TRPM1: variants seen among roughly 807,000 people sequenced by gnomAD.
The protein encoded by TRPM1 is TRPM1-203 APA Isoform, Intron 10.
A neutral mutation model predicts 149.4 loss-of-function variants in TRPM1; 113 were observed. The ratio of observed to expected loss-of-function variants is 0.76; its 90% CI spans 0.65 to 0.88. The LOEUF (loss-of-function observed/expected upper bound fraction) is 0.88, where lower values mean the gene tolerates loss of function less well. TRPM1 is among the 40% of genes least tolerant of loss of function. The probability of loss-of-function intolerance (pLI) is 0.00; values close to 1 mark genes in which losing one functional copy is unlikely to be tolerated. For missense variants in TRPM1, 1,976 were observed against 2,038.7 expected, an observed-to-expected ratio of 0.97 and a Z score of 0.59; for synonymous variants, 741 against 759.5, an observed-to-expected ratio of 0.98 and a Z score of 0.40.
chr15:31,063,206 C>G lies in TRPM1; in HGVS notation c.877G>C (p.Glu293Gln). ...CAAATCACCACAGGGATGGGAGGCT[C>G]TTCTTGCAGGTATTCCAAGACGATG... is the stretch of plus-strand genomic sequence containing the variant. The part of the protein sequence containing the change: ...VSIVLEYLQE[E>Q]PPIPVVICDG... The change falls in exon 8 of 28, where the codon GAG becomes CAG. Residue 293 changes from glutamate (E) to glutamine (Q), a missense_variant. Around this residue, in one of 3 missense-constraint regions of TRPM1, gnomAD observed 1,332 missense variants for 1,347.1 expected, o/e 0.99. Coordinates refer to ENST00000256552, the MANE Select transcript of TRPM1 (RefSeq NM_001252024.2). 10 of 1,614,212 alleles carry G rather than the reference C, an allele frequency of 6.2e-6. No homozygotes were observed. Among genetic ancestry groups the G allele is most frequent in the Non-Finnish European group, 8.5e-6 (10 of 1,180,038 alleles).
intron 1 of TRPM1, among the ~76,000 whole-genome samples, chr15:31,156,930 AT>A (rs11398253): frequency 0.022 from 3,235 of 147,512 alleles, 118 homozygotes; most frequent in African/African-American, 0.076. Flanking sequence ...ACTTACATTT[AT>A]TTTTTTTTTT....
intron 16 of TRPM1, chr15:31,042,445 T>A: frequency 1.5e-6 from 1 of 647,204 alleles, no homozygotes. Flanking sequence ...TAAAACCAAA[T>A]GAACTGAGAA....
At chr15:31,078,361 C>A (rs1233899490) in intron 2 of TRPM1, among the ~76,000 whole-genome samples, 3 of 152,162 alleles carry the variant, frequency 2.0e-5, no homozygotes, top group East Asian at 1.9e-4. Flanking sequence ...AGAGCCCCAG[C>A]CCTAGTCCCA....
chr15:31,093,212 G>A (rs1258993879), intron 1 of TRPM1, among the ~76,000 whole-genome samples: 2 of 129,136 alleles, frequency 1.5e-5, no homozygotes, highest in African/African-American at 5.9e-5. Context: ...ACTAAGCTGA[G>A]ATTATGACAC....
At chr15:31,087,914 C>T (rs1019712544) in intron 1 of TRPM1, among the ~76,000 whole-genome samples, 6 of 152,178 alleles carry the variant, frequency 3.9e-5, no homozygotes, top group Admixed American at 3.9e-4. Flanking sequence ...GGGGATTGGT[C>T]GCACAACAAT....
At chr15:31,073,795 G>A (rs1396818589) in intron 3 of TRPM1, among the ~76,000 whole-genome samples, 2 of 152,004 alleles carry the variant, frequency 1.3e-5, no homozygotes, top group African/African-American at 4.8e-5. Context: ...AATCTTAGGA[G>A]GAAAGCAATC....
At chr15:31,076,306 C>T (rs988198830) in intron 3 of TRPM1, among the ~76,000 whole-genome samples, 5 of 152,080 alleles carry the variant, frequency 3.3e-5, no homozygotes, top group Admixed American at 2.0e-4. Flanking sequence ...TCATATTGGA[C>T]GAATGTATGG....
chr15:31,096,554 G>T (rs921413288), intron 1 of TRPM1, among the ~76,000 whole-genome samples: 2 of 152,182 alleles, frequency 1.3e-5, no homozygotes. Context: ...ACTCCGAAAA[G>T]CACAGCAGTT....
chr15:31,132,467 G>A (rs2036029487), intron 1 of TRPM1, among the ~76,000 whole-genome samples: 1 of 152,222 alleles, frequency 6.6e-6, no homozygotes, highest in African/African-American at 2.4e-5. Context: ...TGAAATCAGG[G>A]CTCCGATTAC....
At chr15:31,116,664 G>A (rs1169700629) in intron 1 of TRPM1, among the ~76,000 whole-genome samples, 4 of 151,128 alleles carry the variant, frequency 2.6e-5, no homozygotes, top group African/African-American at 7.3e-5. Context: ...ACACCTTACC[G>A]GCATCACCAG....
At chr15:31,076,317 A>T (rs534520316) in intron 3 of TRPM1, among the ~76,000 whole-genome samples, 1 of 152,136 alleles carries the variant, frequency 6.6e-6, no homozygotes, top group Non-Finnish European at 1.5e-5. Flanking sequence ...GAATGTATGG[A>T]TAAATTGTTC....
chr15:31,113,601 C>T (rs1013541684), intron 1 of TRPM1, among the ~76,000 whole-genome samples: 6 of 152,168 alleles, frequency 3.9e-5, no homozygotes, highest in African/African-American at 1.4e-4. Flanking sequence ...GTTTGTTACA[C>T]AAGTAAACTT....
At chr15:31,093,260 CAAAAAAA>C (rs34790478) in intron 1 of TRPM1, among the ~76,000 whole-genome samples, 2 of 63,206 alleles carry the variant, frequency 3.2e-5, no homozygotes, top group African/African-American at 6.8e-5. Context: ...GACTTTGTCT[CAAAAAAA>C]AAAAAAAAAA....
rs756193316 is a variant in TRPM1, at chr15:31,037,795, C to T, written c.2487G>A (p.Glu829=). 6.2e-7 allele frequency: 1 copy of T among 1,614,154 alleles called. No homozygotes were observed. Reference sequence around the variant, plus strand: ...TGGGAATACTTCTCTGTTTTTTGTGCTCGTTCTCCTCATCCCCCTTTCTTG... The same window carrying T: ...TGGGAATACTTCTCTGTTTTTTGTGTTCGTTCTCCTCATCCCCCTTTCTTG... ...AGSRKGDEEN[E]HKKQRSIPIG... is the part of the protein sequence containing the mutation. Residue 829 remains glutamate (E), a synonymous_variant, in exon 20 of 28, where the codon GAG becomes GAA. Transcript: ENST00000256552.
chr15:31,055,555 G>A (rs936161147), intron 11 of TRPM1, among the ~76,000 whole-genome samples: 3 of 152,154 alleles, frequency 2.0e-5, no homozygotes, highest in Non-Finnish European at 4.4e-5. Context: ...ATCCCCTCCC[G>A]GTCTCCAGGC....
chr15:31,076,796 T>A, intron 3 of TRPM1, 109 bp downstream of exon 3: 1 of 863,858 alleles, frequency 1.2e-6, no homozygotes, highest in Non-Finnish European at 2.0e-6. Context: ...CCATGGGGAA[T>A]GGATTCTGGC....
At chr15:31,089,127 GT>G (rs1460941679) in intron 1 of TRPM1, among the ~76,000 whole-genome samples, 2 of 152,194 alleles carry the variant, frequency 1.3e-5, no homozygotes, top group Non-Finnish European at 2.9e-5. Flanking sequence ...TGAATACAGT[GT>G]GGAAACTGAA....
intron 11 of TRPM1, chr15:31,060,120 C>T (rs62038933): frequency 1.1e-5 from 1 of 90,744 alleles, no homozygotes; most frequent in South Asian, 9.4e-5. Context: ...TACACACATA[C>T]AGACACACAC....
chr15:31,001,456 C>G lies in TRPM1; in HGVS notation c.*366G>C, dbSNP rs192100136. Reference sequence around the variant, plus strand: ...GTGCTAGGATTACAGGCATGAGCCACTGTGCCCAGCTAGTTGCTTACTTCT... The same window carrying G: ...GTGCTAGGATTACAGGCATGAGCCAGTGTGCCCAGCTAGTTGCTTACTTCT... On this transcript the variant is annotated 3_prime_UTR_variant, in exon 28 of 28. Coordinates refer to ENST00000256552, the MANE Select transcript of TRPM1 (RefSeq NM_001252024.2). The G allele has an allele frequency of 7.9e-6, 2 of 252,122 alleles. No individual in the cohort carries two copies. Among genetic ancestry groups the G allele is most frequent in the African/African-American group, 4.6e-5 (2 of 43,460 alleles). The allele number at this position is 252,122 out of a possible 1,614,324, so 15.6% of individuals were successfully genotyped here. A position where few individuals can be genotyped will look rare whatever the true frequency, so the allele number is the denominator to read the frequency against.
Sources: allele counts gnomAD v4.1 joint callset (sites outside exome capture counted in the v4.1 genomes callset), GRCh38; gene constraint gnomAD v4.1.1; regional missense constraint gnomAD v4.1.1; transcripts MANE v1.5; gene names NCBI Gene and HGNC (gene_info 2026-07-23, HGNC 2026-07-21).